Variants in CALN1 observed in about 807,000 individuals in gnomAD.
CALN1 encodes calneuron 1, also known as calcium-binding protein 8.
A neutral mutation model predicts 30.6 loss-of-function variants in CALN1; 17 were observed. The ratio of observed to expected loss-of-function variants is 0.56; its 90% CI spans 0.38 to 0.83. The LOEUF (loss-of-function observed/expected upper bound fraction) is 0.83, where lower values mean the gene tolerates loss of function less well. Among genes scored for constraint, CALN1 ranks in the 40% least tolerant of loss-of-function variants. The pLI is 0.00. For synonymous variants in CALN1, 156 were observed against 131.4 expected, an observed-to-expected ratio of 1.19 and a Z score of -1.28; for missense variants, 291 against 354.9, an observed-to-expected ratio of 0.82 and a Z score of 1.45.
At chr7:71,960,397 G>C (rs1797190586) in intron 5 of CALN1, among the ~76,000 whole-genome samples, 2 of 151,980 alleles carry the variant, frequency 1.3e-5, no homozygotes, top group Non-Finnish European at 2.9e-5. Flanking sequence ...CCATTGTTTA[G>C]CTCGCATTTG....
At chr7:72,081,886 T>C (rs1397253580) in intron 4 of CALN1, among the ~76,000 whole-genome samples, 2 of 152,174 alleles carry the variant, frequency 1.3e-5, no homozygotes, top group African/African-American at 4.8e-5. Flanking sequence ...AAAAGATAAA[T>C]TCTGCAAAGT....
intron 6 of CALN1, among the ~76,000 whole-genome samples, chr7:71,801,387 T>TGTAC: frequency 1.1e-5 from 1 of 88,452 alleles, no homozygotes; most frequent in African/African-American, 4.9e-5. Context: ...TATGTATGTA[T>TGTAC]GTATGTATGT....
At chr7:71,958,957 G>A (rs533508476) in intron 5 of CALN1, among the ~76,000 whole-genome samples, 1 of 152,340 alleles carries the variant, frequency 6.6e-6, no homozygotes, top group South Asian at 2.1e-4. Context: ...ACTTCTCCGA[G>A]TGGCTTTCCT....
chr7:72,327,090 A>T (rs1244544717), intron 2 of CALN1, among the ~76,000 whole-genome samples: 1 of 152,200 alleles, frequency 6.6e-6, no homozygotes, highest in Non-Finnish European at 1.5e-5. Context: ...GTGGCAGTTA[A>T]TTCCTGACAA....
intron 2 of CALN1, among the ~76,000 whole-genome samples, chr7:72,320,567 G>A (rs906869267): frequency 2.0e-5 from 3 of 152,156 alleles, no homozygotes; most frequent in Admixed American, 1.3e-4. Context: ...GGAAGTGATG[G>A]CTCACGCCTG....
chr7:71,850,681 T>G (rs781599285), intron 5 of CALN1, among the ~76,000 whole-genome samples: 7 of 152,326 alleles, frequency 4.6e-5, no homozygotes, highest in Non-Finnish European at 1.0e-4. Flanking sequence ...TAGTTAGCTC[T>G]GCGGAGTTCA....
chr7:72,079,767 T>C (rs905495777), intron 4 of CALN1, among the ~76,000 whole-genome samples: 13 of 55,888 alleles, frequency 2.3e-4, no homozygotes, highest in African/African-American at 4.0e-4. Flanking sequence ...TTTCCTTTTT[T>C]TTTTTTTTTT....
At chr7:72,341,542 A>C (rs897424222) in intron 2 of CALN1, among the ~76,000 whole-genome samples, 1 of 127,202 alleles carries the variant, frequency 7.9e-6, no homozygotes, top group Admixed American at 8.3e-5. Flanking sequence ...AAAAACAGAC[A>C]AACAAACAAA....
chr7:71,816,968 C>CA (rs1045702069), intron 5 of CALN1, among the ~76,000 whole-genome samples: 3 of 151,430 alleles, frequency 2.0e-5, no homozygotes, highest in Non-Finnish European at 2.9e-5. Context: ...ACTCTGTCTC[C>CA]AAAAAACAAA....
At chr7:71,998,217 T>G (rs1799348913) in intron 5 of CALN1, among the ~76,000 whole-genome samples, 1 of 152,092 alleles carries the variant, frequency 6.6e-6, no homozygotes, top group Non-Finnish European at 1.5e-5. Context: ...AAATTTACCA[T>G]GATCAGATTT....
chr7:71,942,670 C>G (rs1796197772), intron 5 of CALN1, among the ~76,000 whole-genome samples: 1 of 152,102 alleles, frequency 6.6e-6, no homozygotes. Context: ...GGCGATCCAT[C>G]AACTAGTGAT....
At chr7:72,501,597 G>T in the CALN1 span, among the ~76,000 whole-genome samples, 1 of 150,568 alleles carries the variant, frequency 6.6e-6, no homozygotes, top group Non-Finnish European at 1.5e-5. Flanking sequence ...CCATGGCTAG[G>T]AGTTATGAAT....
chr7:72,415,754 C>G (rs1000798899), upstream of CALN1, among the ~76,000 whole-genome samples: 1 of 152,148 alleles, frequency 6.6e-6, no homozygotes, highest in African/African-American at 2.4e-5. Flanking sequence ...CAGCAGGGTC[C>G]CAGGCAGTGG....
intron 5 of CALN1, among the ~76,000 whole-genome samples, chr7:72,018,264 G>C (rs1429556476): frequency 3.3e-5 from 5 of 152,100 alleles, no homozygotes; most frequent in Non-Finnish European, 5.9e-5. Flanking sequence ...CAGGGACCCT[G>C]AGGACCGTGC....
At chr7:72,184,127 T>C (rs1790016528) in intron 3 of CALN1, among the ~76,000 whole-genome samples, 1 of 152,218 alleles carries the variant, frequency 6.6e-6, no homozygotes, top group Non-Finnish European at 1.5e-5. Context: ...CTCCTTCCTC[T>C]AAACTCTTAC....
intron 4 of CALN1, among the ~76,000 whole-genome samples, chr7:72,030,267 T>C (rs989722242): frequency 6.6e-6 from 1 of 152,174 alleles, no homozygotes; most frequent in African/African-American, 2.4e-5. Flanking sequence ...AGGCCCATGG[T>C]TGGAGGAACA....
intron 3 of CALN1, among the ~76,000 whole-genome samples, chr7:72,225,868 C>T (rs1793635387): frequency 6.6e-6 from 1 of 152,052 alleles, no homozygotes; most frequent in East Asian, 1.9e-4. Context: ...GAGGCCGAGG[C>T]AGGCAGATCA....
chr7:71,883,101 G>C (rs1339135228), intron 5 of CALN1, among the ~76,000 whole-genome samples: 1 of 150,700 alleles, frequency 6.6e-6, no homozygotes, highest in Admixed American at 6.6e-5. Context: ...GAAATACTAT[G>C]AGGATAGTGA....
intron 5 of CALN1, among the ~76,000 whole-genome samples, chr7:71,841,842 C>T (rs1194085942): frequency 6.6e-6 from 1 of 151,902 alleles, no homozygotes; most frequent in Non-Finnish European, 1.5e-5. Context: ...ACACTAGGGA[C>T]TACTAGATTA....
Sources: gnomAD v4.1 joint callset for allele counts (sites outside exome capture counted in the v4.1 genomes callset) on GRCh38, gnomAD v4.1.1 for gene constraint, MANE v1.5 for transcripts, NCBI Gene and HGNC (gene_info 2026-07-23, HGNC 2026-07-21) for gene names.